The following HHAT variants were observed in gnomAD, a reference collection of about 807,000 sequenced individuals.
The protein encoded by HHAT is hedgehog acyltransferase, also known as protein-cysteine N-palmitoyltransferase HHAT.
A neutral mutation model predicts 70.8 loss-of-function variants in HHAT; 47 were observed. That is an observed-to-expected ratio of 0.66 (90% confidence interval 0.53 to 0.85). HHAT has a LOEUF of 0.85. Ranked by LOEUF, HHAT falls within the 40% of genes least tolerant of loss-of-function variation. The probability of loss-of-function intolerance (pLI) is 0.00; values close to 1 mark genes in which losing one functional copy is unlikely to be tolerated. For synonymous variants in HHAT, 228 were observed against 247.6 expected (o/e 0.92, Z 0.74); for missense variants, 609 against 604.8 (o/e 1.01, Z -0.07).
intron 7 of HHAT, among the ~76,000 whole-genome samples, chr1:210,458,750 A>T (rs532797184): frequency 6.6e-6 from 1 of 152,282 alleles, no homozygotes; most frequent in East Asian, 1.9e-4. Context: ...CATTCCCTCC[A>T]CCTTTCAGCG....
At chr1:210,659,271 A>G (rs1463898935) in intron 11 of HHAT, among the ~76,000 whole-genome samples, 6 of 152,266 alleles carry the variant, frequency 3.9e-5, no homozygotes, top group Non-Finnish European at 7.3e-5. Context: ...CTGATTCCAC[A>G]GAAATACAAA....
chr1:210,642,566 C>T (rs1673180638), intron 11 of HHAT, among the ~76,000 whole-genome samples: 1 of 152,148 alleles, frequency 6.6e-6, no homozygotes, highest in African/African-American at 2.4e-5. Context: ...TTTGGCATCT[C>T]ATCATGATTT....
At chr1:210,647,118 C>G (rs1674214814) in intron 11 of HHAT, among the ~76,000 whole-genome samples, 1 of 152,208 alleles carries the variant, frequency 6.6e-6, no homozygotes, top group Non-Finnish European at 1.5e-5. Context: ...GTCAGAAGCG[C>G]ATTCTCTCTT....
At chr1:210,439,184 C>T (rs910029) in intron 7 of HHAT, among the ~76,000 whole-genome samples, 122,270 of 151,780 alleles carry the variant, frequency 0.81, 49,600 homozygotes, top group African/African-American at 0.84. Flanking sequence ...ATTTCTGAGA[C>T]GCTTGTGCTC....
intron 9 of HHAT, among the ~76,000 whole-genome samples, chr1:210,540,191 A>G (rs562248834): frequency 6.6e-6 from 1 of 152,324 alleles, no homozygotes; most frequent in Non-Finnish European, 1.5e-5. Flanking sequence ...ACTAAAAAGT[A>G]AAGAATGTTG....
At chr1:210,524,995 G>C (rs2095224175) in intron 9 of HHAT, among the ~76,000 whole-genome samples, 1 of 152,056 alleles carries the variant, frequency 6.6e-6, no homozygotes, top group Non-Finnish European at 1.5e-5. Flanking sequence ...CAGCTGAGTG[G>C]AGTTGGGGTC....
chr1:210,466,702 C>T (rs555226847), intron 8 of HHAT, among the ~76,000 whole-genome samples: 3 of 152,180 alleles, frequency 2.0e-5, no homozygotes, highest in Non-Finnish European at 4.4e-5. Flanking sequence ...ACTGTGTCAC[C>T]AGAGGCAGTT....
chr1:210,465,764 A>G (rs1488990737), intron 8 of HHAT, among the ~76,000 whole-genome samples: 4 of 152,282 alleles, frequency 2.6e-5, no homozygotes, highest in Non-Finnish European at 4.4e-5. Context: ...GTAACTTATT[A>G]CAGATGCTGA....
intron 8 of HHAT, among the ~76,000 whole-genome samples, chr1:210,498,411 A>T (rs1558029837): frequency 6.6e-6 from 1 of 152,214 alleles, no homozygotes; most frequent in Non-Finnish European, 1.5e-5. Flanking sequence ...TTTTGGTAAC[A>T]TTCAGTGGGA....
At chr1:210,488,038 T>A (rs2094498630) in intron 8 of HHAT, among the ~76,000 whole-genome samples, 1 of 152,238 alleles carries the variant, frequency 6.6e-6, no homozygotes, top group Non-Finnish European at 1.5e-5. Context: ...CCCATGCATC[T>A]GTATGTAATT....
At chr1:210,561,473 A>G (rs2095622111) in intron 9 of HHAT, among the ~76,000 whole-genome samples, 2 of 152,142 alleles carry the variant, frequency 1.3e-5, no homozygotes, top group African/African-American at 4.8e-5. Context: ...TCATCTGGAA[A>G]ATGGGGGTTT....
At chr1:210,413,488 G>A (rs1025154898) in intron 6 of HHAT, among the ~76,000 whole-genome samples, 2 of 152,142 alleles carry the variant, frequency 1.3e-5, no homozygotes, top group Non-Finnish European at 2.9e-5. Context: ...TAACAATTTT[G>A]TCTTTAAATC....
chr1:210,334,178 A>AT (rs3033354), intron 1 of HHAT, among the ~76,000 whole-genome samples: 6,267 of 100,018 alleles, frequency 0.063, 1,216 homozygotes, highest in African/African-American at 0.16. Context: ...TTAGCGTGTC[A>AT]TTTTTTTTTT....
At chr1:210,355,202 T>C (rs1156848806) in intron 2 of HHAT, among the ~76,000 whole-genome samples, 2 of 152,242 alleles carry the variant, frequency 1.3e-5, no homozygotes, top group Admixed American at 1.3e-4. Context: ...TTATGTTCCA[T>C]TGGCTTGATT....
chr1:210,447,885 T>C (rs1372139253), intron 7 of HHAT, among the ~76,000 whole-genome samples: 1 of 152,030 alleles, frequency 6.6e-6, no homozygotes, highest in African/African-American at 2.4e-5. Context: ...TGTCTCAGGG[T>C]GCTGACAGAT....
chr1:210,546,801 G>A (rs1280656982), intron 9 of HHAT, among the ~76,000 whole-genome samples: 2 of 152,182 alleles, frequency 1.3e-5, no homozygotes, highest in Admixed American at 1.3e-4. Context: ...AAGTGGGAAT[G>A]GGGAGGTTGG....
intron 10 of HHAT, among the ~76,000 whole-genome samples, chr1:210,604,254 T>G (rs909168385): frequency 3.3e-5 from 5 of 150,830 alleles, no homozygotes; most frequent in African/African-American, 1.2e-4. Flanking sequence ...TATTTTTTTT[T>G]TTTTTGTATT....
intron 9 of HHAT, among the ~76,000 whole-genome samples, chr1:210,555,942 G>A (rs2095568155): frequency 6.6e-6 from 1 of 152,146 alleles, no homozygotes; most frequent in South Asian, 2.1e-4. Flanking sequence ...GCTTATTAAT[G>A]TCGATGTTTG....
chr1:210,615,620 G>C (rs1181291024), intron 10 of HHAT, among the ~76,000 whole-genome samples: 1 of 152,200 alleles, frequency 6.6e-6, no homozygotes, highest in African/African-American at 2.4e-5. Context: ...GTTTTGGTGT[G>C]GATGTCCTTT....
Sources: allele counts gnomAD v4.1 joint callset (sites outside exome capture counted in the v4.1 genomes callset), GRCh38; gene constraint gnomAD v4.1.1; transcripts MANE v1.5; gene names NCBI Gene and HGNC (gene_info 2026-07-23, HGNC 2026-07-21).